LUZP2: variants seen among roughly 807,000 people sequenced by gnomAD.
LUZP2 encodes leucine zipper protein 2.
Under a neutral mutation model 51.6 loss-of-function variants are expected in LUZP2, and 52 were observed. The ratio of observed to expected loss-of-function variants is 1.01; its 90% CI spans 0.81 to 1.27. The LOEUF (loss-of-function observed/expected upper bound fraction) is 1.27. Among genes scored for constraint, LUZP2 ranks in the 50% most tolerant of loss-of-function variants. The pLI is 0.00. For missense variants in LUZP2, 436 were observed against 395.4 expected (o/e 1.10, Z -0.87); for synonymous variants, 154 against 137.3 (o/e 1.12, Z -0.85).
intron 9 of LUZP2, among the ~76,000 whole-genome samples, chr11:25,012,915 T>C (rs371128864): frequency 2.0e-5 from 3 of 152,242 alleles, no homozygotes; most frequent in South Asian, 2.1e-4. Context: ...AATGGATACC[T>C]GTACTCAGAT....
chr11:24,964,776 C>T (rs954805557), intron 7 of LUZP2, among the ~76,000 whole-genome samples: 8 of 151,820 alleles, frequency 5.3e-5, no homozygotes, highest in Admixed American at 5.2e-4. Context: ...TTAGATGCTT[C>T]TAGATTATAT....
intron 1 of LUZP2, among the ~76,000 whole-genome samples, chr11:24,587,441 C>G (rs898259167): frequency 6.6e-6 from 1 of 152,086 alleles, no homozygotes; most frequent in Non-Finnish European, 1.5e-5. Flanking sequence ...CCTGAGCGAG[C>G]ATAAGCACAA....
intron 8 of LUZP2, among the ~76,000 whole-genome samples, chr11:24,982,099 G>C (rs1275006296): frequency 6.6e-6 from 1 of 151,950 alleles, no homozygotes; most frequent in African/African-American, 2.4e-5. Flanking sequence ...TTATTAAAAA[G>C]TTAAAAAATA....
At chr11:24,528,291 C>A (rs931622244) in intron 1 of LUZP2, among the ~76,000 whole-genome samples, 4 of 151,102 alleles carry the variant, frequency 2.6e-5, no homozygotes, top group African/African-American at 9.7e-5. Context: ...GTTAAGTTTC[C>A]TTACTGCAGG....
chr11:24,554,254 T>C (rs1851803481), intron 1 of LUZP2, among the ~76,000 whole-genome samples: 1 of 152,154 alleles, frequency 6.6e-6, no homozygotes, highest in African/African-American at 2.4e-5. Context: ...AGAATACATG[T>C]ATGATATGAT....
intron 1 of LUZP2, among the ~76,000 whole-genome samples, chr11:24,699,187 C>T (rs558845761): frequency 1.3e-5 from 2 of 151,482 alleles, no homozygotes; most frequent in East Asian, 2.0e-4. Flanking sequence ...GCTTTGTCCC[C>T]GTAAGATTTC....
chr11:24,656,812 C>T (rs1052177250), intron 1 of LUZP2, among the ~76,000 whole-genome samples: 18 of 152,196 alleles, frequency 1.2e-4, no homozygotes, highest in South Asian at 4.1e-4. Context: ...TCCTCCTCTG[C>T]GTATCCCCCT....
At chr11:25,050,006 C>T in intron 9 of LUZP2, 32 bp from the exon 10 acceptor site, 2 of 1,334,862 alleles carry the variant, frequency 1.5e-6, no homozygotes, top group East Asian at 2.5e-5. Context: ...TTAGTGATTT[C>T]TTTCTTTCTA....
At chr11:24,903,735 A>T (rs911135015) in intron 5 of LUZP2, among the ~76,000 whole-genome samples, 1 of 152,212 alleles carries the variant, frequency 6.6e-6, no homozygotes, top group African/African-American at 2.4e-5. Flanking sequence ...CAGCTATTGC[A>T]GTAAAAGACA....
At chr11:24,869,748 G>A (rs1852001584) in intron 5 of LUZP2, among the ~76,000 whole-genome samples, 2 of 152,122 alleles carry the variant, frequency 1.3e-5, no homozygotes, top group South Asian at 2.1e-4. Flanking sequence ...GCCCCATCTC[G>A]CTCCCTCTCA....
intron 5 of LUZP2, among the ~76,000 whole-genome samples, chr11:24,903,861 G>T (rs1853355371): frequency 6.6e-6 from 1 of 152,112 alleles, no homozygotes; most frequent in African/African-American, 2.4e-5. Context: ...TCAATTATGA[G>T]ATATTTAAAG....
At chr11:25,058,283 CAACTT>C (rs1858743882) in intron 10 of LUZP2, among the ~76,000 whole-genome samples, 2 of 152,164 alleles carry the variant, frequency 1.3e-5, no homozygotes, top group African/African-American at 2.4e-5. Flanking sequence ...TTTTCTATGA[CAACTT>C]AACCATCCAA....
Position 24,983,123 on chromosome 11 carries a change from T to C in LUZP2, c.598-3T>C. 1.2e-6 allele frequency: 2 copies of C among 1,610,254 alleles called. No homozygotes were observed. The highest frequency in any genetic ancestry group is 1.7e-6 in the Non-Finnish European group (2 of 1,178,026). On this transcript the variant is annotated splice_polypyrimidine_tract_variant and splice_region_variant and intron_variant, in intron 8 of 11. Coordinates refer to ENST00000336930, the MANE Select transcript of LUZP2 (RefSeq NM_001009909.4). ...AAATATGTTAATGCCTCTTTTTTTG[T>C]AGGAGTCACAGATGAAAGCAATGAA...
rs138969434 is a variant in LUZP2, at chr11:24,722,332, G to A, written c.63-6837G>A. On this transcript the variant is annotated intron_variant, in intron 1 of 11. Coordinates refer to ENST00000336930, the MANE Select transcript of LUZP2 (RefSeq NM_001009909.4). ...TAGTGAACTTACAGTTCCACTGGAT[G>A]GGAAGGCCTCACAATCATTGTGTAA... Among the ~76,000 whole-genome samples, 9 of 152,284 alleles carry A rather than the reference G, an allele frequency of 5.9e-5. No individual in the cohort carries two copies. The East Asian group carries it at 1.5e-3, about 26-fold the overall frequency.
intron 4 of LUZP2, among the ~76,000 whole-genome samples, chr11:24,750,590 A>G (rs534641439): frequency 1.3e-5 from 2 of 152,304 alleles, no homozygotes; most frequent in East Asian, 3.9e-4. Context: ...TGAAGACAAA[A>G]TATTAAATAG....
intron 1 of LUZP2, among the ~76,000 whole-genome samples, chr11:24,668,378 T>G (rs1226790920): frequency 1.3e-5 from 2 of 152,216 alleles, no homozygotes; most frequent in African/African-American, 2.4e-5. Context: ...TGATACATGT[T>G]TCTTCATGTA....
At chr11:25,040,336 CT>C (rs1440193347) in intron 9 of LUZP2, among the ~76,000 whole-genome samples, 1 of 52,292 alleles carries the variant, frequency 1.9e-5, no homozygotes, top group African/African-American at 1.7e-4. Context: ...ACTTTTCTTT[CT>C]TTCCGATTTT....
At chr11:25,008,086 C>T (rs1417221734) in intron 9 of LUZP2, among the ~76,000 whole-genome samples, 2 of 152,144 alleles carry the variant, frequency 1.3e-5, no homozygotes, top group Non-Finnish European at 2.9e-5. Context: ...ATCTGTGTGA[C>T]CAGTCGTGTC....
intron 5 of LUZP2, among the ~76,000 whole-genome samples, chr11:24,875,196 C>T (rs1194220794): frequency 6.6e-6 from 1 of 150,494 alleles, no homozygotes; most frequent in Non-Finnish European, 1.5e-5. Flanking sequence ...TGGTGTGCTG[C>T]ACCCATTAAC....
Sources: allele counts gnomAD v4.1 joint callset (sites outside exome capture counted in the v4.1 genomes callset), GRCh38; gene constraint gnomAD v4.1.1; transcripts MANE v1.5; gene names NCBI Gene and HGNC (gene_info 2026-07-23, HGNC 2026-07-21).